The following EFCAB11 variants were observed in gnomAD, a reference collection of about 807,000 sequenced individuals.
EFCAB11 encodes the protein EF-hand calcium binding domain 11.
EFCAB11 carries 14 observed loss-of-function variants against 23.0 expected under a neutral mutation model. That is an observed-to-expected ratio of 0.61 (90% CI 0.40 to 0.95). EFCAB11 has a LOEUF of 0.95. Ranked by LOEUF, EFCAB11 falls within the 40% of genes least tolerant of loss-of-function variation. The probability of loss-of-function intolerance (pLI) is 0.00; values close to 1 mark genes in which losing one functional copy is unlikely to be tolerated. For synonymous variants in EFCAB11, 65 were observed against 66.6 expected (o/e 0.98, Z 0.11); for missense variants, 198 against 195.8 (o/e 1.01, Z -0.07).
intron 5 of EFCAB11, among the ~76,000 whole-genome samples, chr14:89,834,928 T>C (rs1488823795): frequency 6.6e-6 from 1 of 152,176 alleles, no homozygotes; most frequent in Non-Finnish European, 1.5e-5. Flanking sequence ...ATAGTACCCC[T>C]GCCATTGTGA....
chr14:89,874,989 C>T (rs946552785), intron 5 of EFCAB11, among the ~76,000 whole-genome samples: 2 of 152,132 alleles, frequency 1.3e-5, no homozygotes, highest in African/African-American at 4.8e-5. Context: ...GTTCAAAGTT[C>T]CACAGATCTT....
chr14:89,868,476 T>C (rs976541478), intron 5 of EFCAB11, among the ~76,000 whole-genome samples: 2 of 152,132 alleles, frequency 1.3e-5, no homozygotes, highest in African/African-American at 4.8e-5. Context: ...TTTACAAGAA[T>C]ACACCAAGAT....
intron 5 of EFCAB11, among the ~76,000 whole-genome samples, chr14:89,872,622 G>A (rs937647594): frequency 6.6e-6 from 1 of 152,194 alleles, no homozygotes; most frequent in African/African-American, 2.4e-5. Context: ...GGGCTGAATT[G>A]TGTCCCCCAA....
At chr14:89,862,434 G>A (rs538375314) in intron 5 of EFCAB11, among the ~76,000 whole-genome samples, 44 of 152,268 alleles carry the variant, frequency 2.9e-4, no homozygotes, top group African/African-American at 1.0e-3. Context: ...TTTGGCACCT[G>A]AGGAGCTGAG....
At chr14:89,857,186 C>A (rs569742634) in intron 5 of EFCAB11, among the ~76,000 whole-genome samples, 1 of 152,358 alleles carries the variant, frequency 6.6e-6, no homozygotes, top group African/African-American at 2.4e-5. Context: ...ATGGTATTTA[C>A]TTATAGGCTT....
At chr14:89,885,701 G>GAA (rs1215653420) in intron 5 of EFCAB11, among the ~76,000 whole-genome samples, 1 of 145,984 alleles carries the variant, frequency 6.9e-6, no homozygotes, top group Non-Finnish European at 1.5e-5. Context: ...GAAAGAGAGA[G>GAA]AAAGAGAGAA....
chr14:89,895,702 GA>G, intron 5 of EFCAB11, among the ~76,000 whole-genome samples: 1 of 152,282 alleles, frequency 6.6e-6, no homozygotes, highest in South Asian at 2.1e-4. Context: ...ATTTTATGAA[GA>G]AAATATAGGT....
intron 5 of EFCAB11, among the ~76,000 whole-genome samples, chr14:89,899,341 T>C (rs1889271472): frequency 6.6e-6 from 1 of 152,160 alleles, no homozygotes; most frequent in Non-Finnish European, 1.5e-5. Context: ...CTGTTCAAAG[T>C]GAGTATTGCA....
chr14:89,936,903 G>T (rs1201923729), intron 3 of EFCAB11, among the ~76,000 whole-genome samples: 1 of 152,216 alleles, frequency 6.6e-6, no homozygotes, highest in Non-Finnish European at 1.5e-5. Context: ...CTTCACAAAG[G>T]CTTTCAGTAA....
chr14:89,928,647 T>C (rs1196984692), intron 5 of EFCAB11, among the ~76,000 whole-genome samples: 1 of 149,708 alleles, frequency 6.7e-6, no homozygotes, highest in East Asian at 1.9e-4. Flanking sequence ...TTTCCTGATA[T>C]CTTGCTATTG....
At chr14:89,817,924 G>T (rs949650784) in intron 5 of EFCAB11, among the ~76,000 whole-genome samples, 1 of 152,116 alleles carries the variant, frequency 6.6e-6, no homozygotes, top group Non-Finnish European at 1.5e-5. Context: ...AACCTGGGAG[G>T]CAGAGGTTGC....
chr14:89,887,277 A>G (rs533359593), intron 5 of EFCAB11, among the ~76,000 whole-genome samples: 1 of 152,210 alleles, frequency 6.6e-6, no homozygotes, highest in South Asian at 2.1e-4. Flanking sequence ...CACTTTGGAT[A>G]GGAAAGGCCT....
intron 5 of EFCAB11, among the ~76,000 whole-genome samples, chr14:89,824,419 G>A (rs1484203605): frequency 6.6e-6 from 1 of 151,866 alleles, no homozygotes; most frequent in Non-Finnish European, 1.5e-5. Flanking sequence ...ATGGAAAACT[G>A]GATCTACAAA....
intron 5 of EFCAB11, among the ~76,000 whole-genome samples, chr14:89,856,757 C>A (rs1887768481): frequency 6.6e-6 from 1 of 152,110 alleles, no homozygotes; most frequent in East Asian, 1.9e-4. Context: ...TATTTAGGAC[C>A]TTTGCCCATT....
chr14:89,954,241 T>G (rs1206147121), intron 1 of EFCAB11: 16 of 1,214,026 alleles, frequency 1.3e-5, no homozygotes, highest in Non-Finnish European at 1.7e-5. Flanking sequence ...GTGACGCAAA[T>G]TAATTCATTT....
chr14:89,896,808 T>C (rs1231002759), intron 5 of EFCAB11, among the ~76,000 whole-genome samples: 1 of 152,090 alleles, frequency 6.6e-6, no homozygotes, highest in Non-Finnish European at 1.5e-5. Flanking sequence ...CTGCAGGCCT[T>C]GAACTCCTGG....
chr14:89,860,256 C>T (rs1408005398), intron 5 of EFCAB11, among the ~76,000 whole-genome samples: 3 of 152,040 alleles, frequency 2.0e-5, no homozygotes, highest in African/African-American at 7.2e-5. Context: ...CCCTGTTACT[C>T]GGGAGACTGA....
In EFCAB11 at chr14:89,895,630, G is replaced by A. The variant is rs76917876; in HGVS notation, c.410+35911C>T. On this transcript the variant is annotated intron_variant, in intron 5 of 5. Transcript: ENST00000316738. ...AAGGTGAAACTGGGTTCTCACACACGCCCTATTCATAAATCAATTCTAGAA... is the reference window on the plus strand; with the variant it reads ...AAGGTGAAACTGGGTTCTCACACACACCCTATTCATAAATCAATTCTAGAA... 2.5e-3 allele frequency among the ~76,000 whole-genome samples: 381 copies of A among 152,214 alleles called. 2 individuals carry two copies. Among genetic ancestry groups the A allele is most frequent in the Non-Finnish European group, 4.4e-3 (301 of 68,020 alleles).
intron 5 of EFCAB11, among the ~76,000 whole-genome samples, chr14:89,921,656 T>C (rs1036906478): frequency 6.6e-6 from 1 of 152,068 alleles, no homozygotes; most frequent in African/African-American, 2.4e-5. Context: ...AGGAGAACGA[T>C]GGGGTAGGAG....
Sources: allele counts gnomAD v4.1 joint callset (sites outside exome capture counted in the v4.1 genomes callset), GRCh38; gene constraint gnomAD v4.1.1; transcripts MANE v1.5; gene names NCBI Gene and HGNC (gene_info 2026-07-23, HGNC 2026-07-21).